Variants in GRAMD1B observed in about 807,000 individuals in gnomAD.
GRAMD1B encodes the protein GRAM domain containing 1B.
GRAMD1B carries 37 observed loss-of-function variants against 99.7 expected under a neutral mutation model. The observed-to-expected ratio is 0.37, with a 90% CI of 0.29 to 0.49. The LOEUF is 0.49. GRAMD1B is among the 20% of genes least tolerant of loss of function. The pLI, the probability that GRAMD1B is intolerant of heterozygous loss-of-function variation, is 0.98. For missense variants in GRAMD1B, 888 were observed against 1,009.2 expected, an observed-to-expected ratio of 0.88 and a Z score of 1.63; for synonymous variants, 427 against 387.6, an observed-to-expected ratio of 1.10 and a Z score of -1.19.
At chr11:123,426,753 G>T (rs1375947341), upstream of GRAMD1B, among the ~76,000 whole-genome samples, 1 of 152,182 alleles carries the variant, frequency 6.6e-6, no homozygotes, top group African/African-American at 2.4e-5. Flanking sequence ...GGTGTCCGGG[G>T]TGCCAGCGCC....
intron 1 of GRAMD1B, among the ~76,000 whole-genome samples, chr11:123,409,877 G>C (rs923754022): frequency 5.9e-5 from 9 of 152,190 alleles, no homozygotes. Flanking sequence ...TTCTCCAAAG[G>C]TGTAGTGAGT....
chr11:123,603,508 A>T lies in GRAMD1B; in HGVS notation c.1133A>T (p.Tyr378Phe). Residue 378 changes from tyrosine to phenylalanine, a missense_variant, in exon 9 of 20, where the codon TAC (tyrosine) becomes TTC (phenylalanine). By Grantham distance (22) the Tyr-to-Phe change is conservative. Around this residue, in one of 5 missense-constraint regions of GRAMD1B, gnomAD observed 269 missense variants for 296.6 expected, o/e 0.91. Coordinates refer to ENST00000635736, the MANE Select transcript of GRAMD1B (RefSeq NM_001387025.1). ...ELGLTSDDED[Y>F]VPPDDDFNTM... is the part of the protein sequence containing the mutation. The stretch of plus-strand genomic sequence containing the variant: ...GGCCTGACCAGTGATGACGAGGACT[A>T]CGTGCCCCCTGACGACGACTTCAAC... The T allele has an allele frequency of 6.2e-7, 1 of 1,613,318 alleles. No homozygotes were observed. Among genetic ancestry groups the T allele is most frequent in the Non-Finnish European group, 8.5e-7 (1 of 1,179,236 alleles).
intron 1 of GRAMD1B, among the ~76,000 whole-genome samples, chr11:123,407,994 T>G (rs760783796): frequency 6.6e-6 from 1 of 152,184 alleles, no homozygotes; most frequent in African/African-American, 2.4e-5. Flanking sequence ...CTCTGGGGGT[T>G]AGGATCATCA....
At chr11:123,539,683 C>T (rs1213395820) in intron 2 of GRAMD1B, among the ~76,000 whole-genome samples, 1 of 152,196 alleles carries the variant, frequency 6.6e-6, no homozygotes, top group Non-Finnish European at 1.5e-5. Context: ...GAACGGCATG[C>T]AGGGTGTTCT....
At chr11:123,467,807 C>CTTTCT (rs201092180) in intron 1 of GRAMD1B, among the ~76,000 whole-genome samples, 1 of 146,592 alleles carries the variant, frequency 6.8e-6, no homozygotes, top group African/African-American at 2.6e-5. Context: ...CCTTCTTTTT[C>CTTTCT]TTTCTTTTCT....
At chr11:123,464,560 T>A (rs952698166) in intron 1 of GRAMD1B, among the ~76,000 whole-genome samples, 2 of 152,164 alleles carry the variant, frequency 1.3e-5, no homozygotes, top group Non-Finnish European at 2.9e-5. Context: ...GAGTGGGATG[T>A]CAGTAGTTTT....
At chr11:123,550,424 C>G (rs1445877854) in intron 2 of GRAMD1B, among the ~76,000 whole-genome samples, 1 of 152,206 alleles carries the variant, frequency 6.6e-6, no homozygotes, top group Non-Finnish European at 1.5e-5. Flanking sequence ...GACACATACT[C>G]TCTCATGCAC....
chr11:123,477,028 C>T lies in GRAMD1B; in HGVS notation c.375-3788C>T, dbSNP rs181946107. Among the ~76,000 whole-genome samples, 474 of 152,282 alleles carry T rather than the reference C, an allele frequency of 3.1e-3. 8 individuals are homozygous for T. Among genetic ancestry groups the T allele is most frequent in the African/African-American group, 0.011 (457 of 41,562 alleles). ...GAGAGCAGGATCCTTGTTTGATTCA[C>T]GTCTTTCTTTTCCTATAACCCATAA... On this transcript the variant is annotated intron_variant, in intron 1 of 19. Coordinates refer to ENST00000635736, the MANE Select transcript of GRAMD1B (RefSeq NM_001387025.1).
intron 2 of GRAMD1B, among the ~76,000 whole-genome samples, chr11:123,568,922 C>A (rs1947734278): frequency 6.6e-6 from 1 of 152,160 alleles, no homozygotes; most frequent in Non-Finnish European, 1.5e-5. Context: ...AGGTTCCATG[C>A]GTGGTCACAG....
intron 2 of GRAMD1B, among the ~76,000 whole-genome samples, chr11:123,538,745 G>A (rs1944213881): frequency 6.6e-6 from 1 of 151,752 alleles, no homozygotes; most frequent in African/African-American, 2.4e-5. Context: ...TTAACCTCCT[G>A]AGTAGCTGGG....
At chr11:123,391,820 A>T (rs903552328) in intron 1 of GRAMD1B, among the ~76,000 whole-genome samples, 1 of 152,348 alleles carries the variant, frequency 6.6e-6, no homozygotes, top group South Asian at 2.1e-4. Flanking sequence ...ACATGGCACT[A>T]TGCCATGTGG....
chr11:123,445,818 C>CAAAAAAAAAAAAA (rs36123733), intron 1 of GRAMD1B, among the ~76,000 whole-genome samples: 1 of 94,144 alleles, frequency 1.1e-5, no homozygotes, highest in Non-Finnish European at 2.0e-5. Flanking sequence ...CACTTGTCTC[C>CAAAAAAAAAAAAA]AAAAAAAAAA....
Position 123,516,518 on chromosome 11 carries a change from A to G in GRAMD1B, c.452+35625A>G, listed in dbSNP as rs545264346. ...ACTATTTCTGGACACCTCTCATGCA[A>G]ATAGAAAGCTCTTGTCTCCATAAAG... On this transcript the variant is annotated intron_variant, in intron 2 of 19. Transcript: ENST00000635736. 3.0e-3 allele frequency among the ~76,000 whole-genome samples: 464 copies of G among 152,334 alleles called. 4 individuals are homozygous for G. Among genetic ancestry groups the G allele is most frequent in the African/African-American group, 0.01 (424 of 41,574 alleles).
At chr11:123,451,977 G>C (rs559223646) in intron 1 of GRAMD1B, among the ~76,000 whole-genome samples, 8 of 152,056 alleles carry the variant, frequency 5.3e-5, no homozygotes, top group Non-Finnish European at 1.5e-5. Flanking sequence ...GGGACCACAG[G>C]CACGTGCCAC....
At chr11:123,568,148 C>T (rs1220667119) in intron 2 of GRAMD1B, among the ~76,000 whole-genome samples, 1 of 151,608 alleles carries the variant, frequency 6.6e-6, no homozygotes, top group African/African-American at 2.4e-5. Context: ...TTATACAAGA[C>T]AGGGAAGGAG....
At chr11:123,412,954 G>A (rs1948104102) in intron 1 of GRAMD1B, among the ~76,000 whole-genome samples, 1 of 152,046 alleles carries the variant, frequency 6.6e-6, no homozygotes, top group South Asian at 2.1e-4. Context: ...GCTAATTTTT[G>A]TATTTTTAGT....
rs1955366758 is a variant in GRAMD1B at position 123,624,161 on chromosome 11, G to A, written c.*1566G>A. 6.6e-6 allele frequency: 1 copy of A among 152,188 alleles called. No homozygotes were observed. 9.4% of individuals were successfully genotyped at this position (152,188 alleles called of 1,614,324 possible). A position where few individuals can be genotyped will look rare whatever the true frequency, so the allele number is the denominator to read the frequency against. On this transcript the variant is annotated 3_prime_UTR_variant, in exon 20 of 20. Coordinates refer to ENST00000635736, the MANE Select transcript of GRAMD1B (RefSeq NM_001387025.1). ...CCAGTTTGGCATGCAGAGGTCTTCA[G>A]TCTTGCTTATTCTTCTCCTGGGCTT...
intron 8 of GRAMD1B, 104 bp from the exon 9 acceptor site, chr11:123,603,322 G>T: frequency 1.4e-6 from 1 of 710,314 alleles, no homozygotes; most frequent in Non-Finnish European, 2.5e-6. Flanking sequence ...AAGGAGAGAG[G>T]AGTTTCTCCT....
intron 2 of GRAMD1B, among the ~76,000 whole-genome samples, chr11:123,553,690 C>G (rs1399112287): frequency 3.3e-5 from 5 of 152,162 alleles, no homozygotes; most frequent in Non-Finnish European, 7.3e-5. Flanking sequence ...CACCCCTGAA[C>G]CAGCCTCCGT....
Sources: allele counts gnomAD v4.1 joint callset (sites outside exome capture counted in the v4.1 genomes callset), GRCh38; gene constraint gnomAD v4.1.1; regional missense constraint gnomAD v4.1.1; transcripts MANE v1.5; gene names NCBI Gene and HGNC (gene_info 2026-07-23, HGNC 2026-07-21).